CDRT4: variants seen among roughly 807,000 people sequenced by gnomAD.
CDRT4 encodes CMT1A duplicated region transcript 4, also known as CMT1A duplicated region transcript 4 protein.
For missense variants in CDRT4, 167 were observed against 193.1 expected, an observed-to-expected ratio of 0.87 and a Z score of 0.80; for synonymous variants, 64 against 69.6, an observed-to-expected ratio of 0.92 and a Z score of 0.40.
chr17:15,448,853 G>C (rs56947511), intron 2 of CDRT4, among the ~76,000 whole-genome samples: 3 of 152,116 alleles, frequency 2.0e-5, no homozygotes, highest in African/African-American at 7.2e-5. Context: ...CCTCCTTTGC[G>C]CTGTTCCCTG....
At chr17:15,458,516 G>T (rs925980115) in intron 1 of CDRT4, among the ~76,000 whole-genome samples, 6 of 152,046 alleles carry the variant, frequency 3.9e-5, no homozygotes, top group Non-Finnish European at 7.4e-5. Flanking sequence ...ACTCAGTAGC[G>T]GGGCTGCTGG....
chr17:15,446,240 C>T (rs919767740), intron 2 of CDRT4, among the ~76,000 whole-genome samples: 1 of 151,964 alleles, frequency 6.6e-6, no homozygotes, highest in African/African-American at 2.4e-5. Flanking sequence ...TGGGAAGCAC[C>T]GAGTGCACAC....
Position 15,457,191 on chromosome 17 carries a change from A to T in CDRT4, c.-129-4106T>A, listed in dbSNP as rs73978243. On this transcript the variant is annotated intron_variant, in intron 1 of 3. Transcript: ENST00000619038. ...TGTCTCTGAAACCTCTTGGCACAGC[A>T]GTCCCCAGGAAATGGAATGTACTGA... Among the ~76,000 whole-genome samples the T allele has an allele frequency of 7.6e-3, 1,163 of 152,332 alleles. 12 individuals carry two copies. The highest frequency in any genetic ancestry group is 0.027 in the African/African-American group (1,108 of 41,580).
At chr17:15,453,600 A>G (rs1979357489) in intron 1 of CDRT4, among the ~76,000 whole-genome samples, 1 of 152,038 alleles carries the variant, frequency 6.6e-6, no homozygotes, top group South Asian at 2.1e-4. Context: ...CAGAAAAACC[A>G]CCCTCTCTTT....
At chr17:15,462,539 A>G (rs1979806058) in intron 1 of CDRT4, among the ~76,000 whole-genome samples, 1 of 151,878 alleles carries the variant, frequency 6.6e-6, no homozygotes, top group Non-Finnish European at 1.5e-5. Flanking sequence ...CCTTAGCTGG[A>G]CACTGCAGAC....
chr17:15,438,195 T>C lies in CDRT4; in HGVS notation c.37A>G (p.Thr13Ala), dbSNP rs539400911. 7 of 1,612,798 alleles carry C rather than the reference T, an allele frequency of 4.3e-6. No individual in the cohort carries two copies. The East Asian group carries it at 1.3e-4, about 31-fold the overall frequency. The change falls in exon 4 of 4, where the codon ACA becomes GCA. Residue 13 changes from threonine to alanine, a missense_variant. Transcript: ENST00000619038. ...ARRMKKEEGL[T>A]ENTGLPRKLL... ...TTCCGGGGAAGTCCAGTGTTTTCTG[T>C]GAGTCCTACCAACAAAGAGAAATGC...
At chr17:15,460,798 G>A (rs1343543786) in intron 1 of CDRT4, among the ~76,000 whole-genome samples, 2 of 152,060 alleles carry the variant, frequency 1.3e-5, no homozygotes, top group African/African-American at 2.4e-5. Flanking sequence ...CAGAGCCCTT[G>A]GGATGAAATC....
chr17:15,459,694 C>T (rs111996946), intron 1 of CDRT4, among the ~76,000 whole-genome samples: 2,046 of 152,204 alleles, frequency 0.013, 41 homozygotes, highest in African/African-American at 0.047. Context: ...GATCCGCCCG[C>T]CTCGGCCTCC....
chr17:15,451,270 G>T (rs939246856), intron 2 of CDRT4, among the ~76,000 whole-genome samples: 2 of 152,050 alleles, frequency 1.3e-5, no homozygotes, highest in Non-Finnish European at 2.9e-5. Context: ...TTCACCTTCC[G>T]CCATGAATGT....
In CDRT4 at chr17:15,436,913, G is replaced by C. The variant is rs933869209; in HGVS notation, c.*860C>G. On this transcript the variant is annotated 3_prime_UTR_variant, in exon 4 of 4. Transcript: ENST00000619038. ...CCCTGATAGGCTCAGCCCCCAGGGG[G>C]AGCTAGAAGGAATCTGCTAGGCTAA... is the stretch of plus-strand genomic sequence containing the variant. The C allele has an allele frequency of 1.3e-5, 2 of 152,212 alleles. No individual in the cohort carries two copies. Among genetic ancestry groups the C allele is most frequent in the African/African-American group, 4.8e-5 (2 of 41,444 alleles). 9.4% of individuals were successfully genotyped at this position (152,212 alleles called of 1,614,324 possible). A position where few individuals can be genotyped will look rare whatever the true frequency, so the allele number is the denominator to read the frequency against.
chr17:15,440,328 G>C (rs1978700694), intron 2 of CDRT4, 43 bp from the exon 3 acceptor site: 1 of 1,598,364 alleles, frequency 6.3e-7, no homozygotes, highest in Non-Finnish European at 8.5e-7. Context: ...CCTCAAACTG[G>C]AAAGCAATTA....
intron 2 of CDRT4, 54 bp from the exon 3 acceptor site, chr17:15,440,339 G>A: frequency 6.3e-7 from 1 of 1,589,106 alleles, no homozygotes. Context: ...AAAGCAATTA[G>A]TAGCCACCCT....
At chr17:15,446,305 C>T (rs1049494063) in intron 2 of CDRT4, among the ~76,000 whole-genome samples, 6 of 152,114 alleles carry the variant, frequency 3.9e-5, no homozygotes, top group Non-Finnish European at 8.8e-5. Flanking sequence ...TTACCCCGCC[C>T]CTATCCCATG....
At chr17:15,445,974 T>A (rs1979005172) in intron 2 of CDRT4, among the ~76,000 whole-genome samples, 1 of 152,192 alleles carries the variant, frequency 6.6e-6, no homozygotes, top group Non-Finnish European at 1.5e-5. Flanking sequence ...TGCCCTCTGC[T>A]TTTTTCTTTT....
At chr17:15,465,202 A>C (rs1979959990) in intron 1 of CDRT4, among the ~76,000 whole-genome samples, 1 of 131,908 alleles carries the variant, frequency 7.6e-6, no homozygotes, top group Non-Finnish European at 1.5e-5. Flanking sequence ...CAACACAGAC[A>C]CACCAACAGA....
chr17:15,442,040 C>G (rs1978787222), intron 2 of CDRT4, among the ~76,000 whole-genome samples: 1 of 152,186 alleles, frequency 6.6e-6, no homozygotes, highest in Non-Finnish European at 1.5e-5. Context: ...ACATGACACG[C>G]AAGTGGCCAC....
At position 15,462,974 on chromosome 17, in the gene CDRT4, T is replaced by C. The variant is rs1254408746; in HGVS notation, c.-130+4486A>G. On this transcript the variant is annotated intron_variant, in intron 1 of 3. Coordinates refer to ENST00000619038, the MANE Select transcript of CDRT4 (RefSeq NM_001204477.2). ...AGCACTTCATATTTCAAATTTGTTT[T>C]TTTAAAGATAAAGATATTAAGATAG... 2.6e-5 allele frequency among the ~76,000 whole-genome samples: 4 copies of C among 152,294 alleles called. No individual in the cohort carries two copies. In the South Asian group the frequency reaches 6.2e-4, roughly 24 times the overall value.
At chr17:15,460,504 CCT>C in intron 1 of CDRT4, among the ~76,000 whole-genome samples, 1 of 152,192 alleles carries the variant, frequency 6.6e-6, no homozygotes, top group Non-Finnish European at 1.5e-5. Flanking sequence ...TGGATTATTC[CCT>C]CTTACAGAGG....
intron 1 of CDRT4, among the ~76,000 whole-genome samples, chr17:15,456,168 A>G (rs1313400049): frequency 6.6e-6 from 1 of 152,210 alleles, no homozygotes; most frequent in African/African-American, 2.4e-5. Flanking sequence ...CTATGTAAGT[A>G]AAGAATTTAG....
Sources: gnomAD v4.1 joint callset for allele counts (sites outside exome capture counted in the v4.1 genomes callset) on GRCh38, gnomAD v4.1.1 for gene constraint, MANE v1.5 for transcripts, NCBI Gene and HGNC (gene_info 2026-07-23, HGNC 2026-07-21) for gene names.